Variants in NCAM2 observed in about 807,000 individuals in gnomAD.
NCAM2 encodes the protein N-CAM-2.
In NCAM2, 30 loss-of-function variants were observed where a neutral mutation model predicts 98.1. That is an observed-to-expected ratio of 0.31 (90% CI 0.23 to 0.41). The LOEUF (loss-of-function observed/expected upper bound fraction) is 0.41. Among genes scored for constraint, NCAM2 ranks in the 10% least tolerant of loss-of-function variants. The pLI, the probability that NCAM2 is intolerant of heterozygous loss-of-function variation, is 1.00. For missense variants in NCAM2, 867 were observed against 1,005.8 expected (o/e 0.86, Z 1.87); for synonymous variants, 368 against 342.4 (o/e 1.07, Z -0.83).
intron 1 of NCAM2, among the ~76,000 whole-genome samples, chr21:21,253,301 C>T (rs1461380269): frequency 6.6e-6 from 1 of 152,130 alleles, no homozygotes; most frequent in Non-Finnish European, 1.5e-5. Context: ...AGAACAATTC[C>T]TCCTTTACAT....
In NCAM2 at chr21:21,096,125, T is replaced by G. The variant is rs146307505; in HGVS notation, c.55+97507T>G. On this transcript the variant is annotated intron_variant, in intron 1 of 17. Coordinates refer to ENST00000400546, the MANE Select transcript of NCAM2 (RefSeq NM_004540.5). ...TCTTAACTATTATTGTTAATTTCAA[T>G]TAATACTTCGGATAATGCCACACAT... Among the ~76,000 whole-genome samples the G allele has an allele frequency of 2.2e-4, 34 of 151,820 alleles. No individual in the cohort carries two copies. The East Asian group carries it at 5.0e-3, about 22-fold the overall frequency.
intron 1 of NCAM2, among the ~76,000 whole-genome samples, chr21:21,106,800 A>T: frequency 6.6e-6 from 1 of 152,210 alleles, no homozygotes; most frequent in Admixed American, 6.5e-5. Context: ...ATCAGTTTCT[A>T]TGGTTTTCAA....
intron 1 of NCAM2, among the ~76,000 whole-genome samples, chr21:21,004,007 G>A (rs2064067380): frequency 6.6e-6 from 1 of 151,968 alleles, no homozygotes; most frequent in South Asian, 2.1e-4. Context: ...ACATCAGGCT[G>A]GTGTTAAACA....
chr21:21,517,351 T>C (rs533078678), intron 16 of NCAM2, among the ~76,000 whole-genome samples: 7 of 152,344 alleles, frequency 4.6e-5, no homozygotes, highest in African/African-American at 1.7e-4. Context: ...TACAAGCTCA[T>C]TGATTATTGG....
At chr21:21,080,764 G>A (rs937717801) in intron 1 of NCAM2, among the ~76,000 whole-genome samples, 6 of 150,256 alleles carry the variant, frequency 4.0e-5, no homozygotes, top group African/African-American at 1.5e-4. Flanking sequence ...GTGACTATCC[G>A]TGAGCTCCTG....
chr21:21,370,864 T>C lies in NCAM2; in HGVS notation c.1045-2999T>C, dbSNP rs232511. ...AGCTTTTTGGATGTTGTCTAACAAG[T>C]ATAATTTATCATATGTATGTATTGC... is the stretch of plus-strand genomic sequence containing the variant. On this transcript the variant is annotated intron_variant, in intron 8 of 17. Transcript: ENST00000400546. 6.8e-3 allele frequency among the ~76,000 whole-genome samples: 1,035 copies of C among 152,066 alleles called. 14 individuals carry two copies. The highest frequency in any genetic ancestry group is 0.023 in the African/African-American group (951 of 41,536).
At chr21:21,136,630 G>T (rs796302625) in intron 1 of NCAM2, among the ~76,000 whole-genome samples, 60,686 of 145,212 alleles carry the variant, frequency 0.42, 12,999 homozygotes, top group African/African-American at 0.54. Context: ...CCTGTTTTTT[G>T]TTTTTTTTTT....
chr21:21,086,166 A>G (rs2065901969), intron 1 of NCAM2, among the ~76,000 whole-genome samples: 2 of 152,318 alleles, frequency 1.3e-5, no homozygotes, highest in South Asian at 2.1e-4. Context: ...TTTCCTGTAA[A>G]AGAGATAAAA....
chr21:21,209,982 T>A (rs2069587358), intron 1 of NCAM2, among the ~76,000 whole-genome samples: 1 of 152,174 alleles, frequency 6.6e-6, no homozygotes. Context: ...AGGATTAGTA[T>A]GGGATTGGAA....
chr21:21,310,293 G>A (rs1036962031), intron 5 of NCAM2, among the ~76,000 whole-genome samples: 6 of 152,052 alleles, frequency 3.9e-5, no homozygotes, highest in Non-Finnish European at 7.4e-5. Context: ...AAAATATGTA[G>A]CACTATGAAC....
chr21:21,292,341 T>G, intron 5 of NCAM2, 100 bp downstream of exon 5: 3 of 1,172,600 alleles, frequency 2.6e-6, no homozygotes, highest in Non-Finnish European at 3.6e-6. Flanking sequence ...TCTTATCTAA[T>G]AAACCTCTTC....
chr21:21,346,453 C>A (rs1363192558), intron 8 of NCAM2, among the ~76,000 whole-genome samples: 2 of 152,018 alleles, frequency 1.3e-5, no homozygotes, highest in Non-Finnish European at 2.9e-5. Context: ...CAACACCCAA[C>A]TTTCAGCATT....
chr21:21,263,760 G>A (rs2072015177), intron 1 of NCAM2, among the ~76,000 whole-genome samples: 1 of 152,076 alleles, frequency 6.6e-6, no homozygotes, highest in African/African-American at 2.4e-5. Context: ...AATGGGGAAA[G>A]GATGGCTATT....
At chr21:21,171,821 C>A (rs184065770) in intron 1 of NCAM2, among the ~76,000 whole-genome samples, 2 of 147,352 alleles carry the variant, frequency 1.4e-5, no homozygotes, top group African/African-American at 5.0e-5. Context: ...GGGATAGAAT[C>A]AAAGGTCAAT....
chr21:21,233,086 T>G (rs2070692755), intron 1 of NCAM2, among the ~76,000 whole-genome samples: 1 of 151,658 alleles, frequency 6.6e-6, no homozygotes, highest in Admixed American at 6.6e-5. Context: ...TTTTGGGTTT[T>G]TTTCTGTGAC....
At chr21:21,382,457 AC>A in intron 9 of NCAM2, among the ~76,000 whole-genome samples, 1 of 148,672 alleles carries the variant, frequency 6.7e-6, no homozygotes. Context: ...CTGACTCTTT[AC>A]CCCATCATCT....
chr21:21,247,665 T>A (rs2071328675), intron 1 of NCAM2, among the ~76,000 whole-genome samples: 1 of 152,212 alleles, frequency 6.6e-6, no homozygotes, highest in Non-Finnish European at 1.5e-5. Flanking sequence ...TAGAGTCATA[T>A]TTCTATGTAA....
intron 1 of NCAM2, among the ~76,000 whole-genome samples, chr21:21,182,247 A>G (rs986634391): frequency 2.0e-5 from 3 of 152,178 alleles, no homozygotes; most frequent in Non-Finnish European, 4.4e-5. Flanking sequence ...CATGTAGAGT[A>G]TTATTTAGTA....
At chr21:21,332,760 G>A (rs894827923) in intron 6 of NCAM2, among the ~76,000 whole-genome samples, 1 of 152,240 alleles carries the variant, frequency 6.6e-6, no homozygotes, top group Admixed American at 6.5e-5. Flanking sequence ...CGTGTTCTCT[G>A]CCTCCCCCAG....
Sources: allele counts gnomAD v4.1 joint callset (sites outside exome capture counted in the v4.1 genomes callset), GRCh38; gene constraint gnomAD v4.1.1; transcripts MANE v1.5; gene names NCBI Gene and HGNC (gene_info 2026-07-23, HGNC 2026-07-21).